The following SPIDR variants were observed in gnomAD, a reference collection of about 807,000 sequenced individuals.
SPIDR encodes DNA repair-scaffolding protein.
A neutral mutation model predicts 104.6 loss-of-function variants in SPIDR; 93 were observed. The ratio of observed to expected loss-of-function variants is 0.89; its 90% CI spans 0.75 to 1.06. The LOEUF (loss-of-function observed/expected upper bound fraction) is 1.06, where lower values mean the gene tolerates loss of function less well. Ranked by LOEUF, SPIDR falls within the 50% of genes least tolerant of loss-of-function variation. The pLI is 0.00. For missense variants in SPIDR, 1,154 were observed against 1,111.2 expected, an observed-to-expected ratio of 1.04 and a Z score of -0.55; for synonymous variants, 431 against 416.9, an observed-to-expected ratio of 1.03 and a Z score of -0.41.
intron 16 of SPIDR, among the ~76,000 whole-genome samples, chr8:47,716,912 T>C (rs2082664487): frequency 6.6e-6 from 1 of 151,938 alleles, no homozygotes; most frequent in East Asian, 1.9e-4. Flanking sequence ...CATGTGGAGA[T>C]TATATGGTCA....
intron 8 of SPIDR, among the ~76,000 whole-genome samples, chr8:47,524,096 G>C (rs747197079): frequency 2.0e-5 from 3 of 152,124 alleles, no homozygotes; most frequent in Non-Finnish European, 4.4e-5. Context: ...GAAATAAAGG[G>C]TGCCAGGTAA....
chr8:47,731,831 T>G lies in SPIDR; in HGVS notation c.2604+2366T>G, dbSNP rs191621124. Among the ~76,000 whole-genome samples the G allele has an allele frequency of 1.2e-4, 18 of 152,232 alleles. No homozygotes were observed. In the East Asian group the frequency reaches 3.3e-3, roughly 28 times the overall value. On this transcript the variant is annotated intron_variant, in intron 19 of 19. Transcript: ENST00000297423. ...ACAGCTGACCAGGTAGAAGTTTGAG[T>G]AGGTGCTAAAGGTGGCAGATCTGAG...
At chr8:47,454,608 C>G (rs1585986948) in intron 8 of SPIDR, among the ~76,000 whole-genome samples, 1 of 152,146 alleles carries the variant, frequency 6.6e-6, no homozygotes, top group East Asian at 1.9e-4. Flanking sequence ...ACATGGTATA[C>G]ATGTACCCTA....
chr8:47,728,589 G>T (rs900573722), intron 17 of SPIDR: 7 of 243,456 alleles, frequency 2.9e-5, no homozygotes, highest in African/African-American at 1.2e-4. Context: ...CACAACAGTG[G>T]CTGTGCTGGC....
intron 10 of SPIDR, among the ~76,000 whole-genome samples, 178 bp downstream of exon 10, chr8:47,599,374 A>G (rs1175363766): frequency 6.6e-6 from 1 of 152,200 alleles, no homozygotes; most frequent in Admixed American, 6.5e-5. Flanking sequence ...GATTTTATCT[A>G]TCTATTTAAT....
intron 8 of SPIDR, among the ~76,000 whole-genome samples, chr8:47,569,824 A>G (rs551091349): frequency 2.0e-5 from 3 of 152,360 alleles, no homozygotes; most frequent in Middle Eastern, 3.4e-3. Flanking sequence ...TAGAAAAATC[A>G]GCTGTATTTC....
intron 10 of SPIDR, among the ~76,000 whole-genome samples, chr8:47,666,576 T>G (rs1331026714): frequency 6.6e-6 from 1 of 152,228 alleles, no homozygotes; most frequent in Non-Finnish European, 1.5e-5. Context: ...ACCTTTCTGA[T>G]CTACAGTCTT....
At chr8:47,412,263 A>C (rs554865259) in intron 7 of SPIDR, among the ~76,000 whole-genome samples, 4 of 152,292 alleles carry the variant, frequency 2.6e-5, no homozygotes, top group African/African-American at 9.6e-5. Context: ...CCATTTTCAC[A>C]ATATTGATTC....
intron 10 of SPIDR, among the ~76,000 whole-genome samples, chr8:47,637,088 G>A (rs1465629348): frequency 6.6e-6 from 1 of 152,150 alleles, no homozygotes; most frequent in Non-Finnish European, 1.5e-5. Context: ...ATTAACTAAA[G>A]TATGTACTTT....
rs1337031766 is a variant in SPIDR at position 47,599,029 on chromosome 8, T to C, written c.1377T>C (p.Thr459=). 6.2e-7 allele frequency: 1 copy of C among 1,613,076 alleles called. No individual in the cohort carries two copies. Among genetic ancestry groups the C allele is most frequent in the Admixed American group, 1.7e-5 (1 of 59,870 alleles). ...CAAAACAGCGCATCCCAACCAGCAC[T>C]CCCCTGAGGGATTCTCTCCTGGATG... ...KEAKQRIPTS[T]PLRDSLLDVV... Residue 459 remains threonine (T), a synonymous_variant, in exon 10 of 20, where the codon ACT becomes ACC. Coordinates refer to ENST00000297423, the MANE Select transcript of SPIDR (RefSeq NM_001080394.4).
intron 7 of SPIDR, among the ~76,000 whole-genome samples, chr8:47,422,585 G>A (rs974202746): frequency 5.3e-5 from 8 of 152,168 alleles, no homozygotes; most frequent in African/African-American, 1.2e-4. Context: ...GCCCTGCTTC[G>A]GCTCACGCTC....
intron 5 of SPIDR, among the ~76,000 whole-genome samples, chr8:47,360,198 C>A (rs368613747): frequency 7.2e-6 from 1 of 138,180 alleles, no homozygotes; most frequent in African/African-American, 2.7e-5. Context: ...GCGGAGATCG[C>A]GCCACTGTGC....
intron 8 of SPIDR, among the ~76,000 whole-genome samples, chr8:47,498,693 G>C (rs774993356): frequency 3.9e-5 from 6 of 152,122 alleles, no homozygotes; most frequent in Non-Finnish European, 7.4e-5. Context: ...ATCAGGTCAA[G>C]ACTTGTACAT....
chr8:47,458,511 C>T (rs754643826), intron 8 of SPIDR, among the ~76,000 whole-genome samples: 7 of 151,630 alleles, frequency 4.6e-5, no homozygotes, highest in Admixed American at 3.3e-4. Context: ...TTGCTGAATT[C>T]GTTTATCCAT....
chr8:47,294,188 T>C, intron 5 of SPIDR, 158 bp downstream of exon 5: 1 of 897,424 alleles, frequency 1.1e-6, no homozygotes, highest in Non-Finnish European at 1.6e-6. Flanking sequence ...TATCTCTAAA[T>C]AACATGCTTG....
Position 47,418,978 on chromosome 8 carries a change from A to G in SPIDR, c.877+11017A>G, listed in dbSNP as rs528361682. ...TCCCATGGATGAAGCCCACTTGATCATGGTAGATAAGCTTTTTGATGTGCT... is the reference window on the plus strand; with the variant it reads ...TCCCATGGATGAAGCCCACTTGATCGTGGTAGATAAGCTTTTTGATGTGCT... On this transcript the variant is annotated intron_variant, in intron 7 of 19. Transcript: ENST00000297423. The G allele has an allele frequency of 2.5e-4, 38 of 152,346 alleles. 1 individual carries two copies. Among genetic ancestry groups the G allele is most frequent in the African/African-American group, 8.9e-4 (37 of 41,578 alleles). 9.4% of individuals were successfully genotyped at this position (152,346 alleles called of 1,614,324 possible). A position where few individuals can be genotyped will look rare whatever the true frequency, so the allele number is the denominator to read the frequency against.
At chr8:47,732,205 T>A (rs1170428092) in intron 19 of SPIDR, 6 of 702,452 alleles carry the variant, frequency 8.5e-6, no homozygotes, top group Non-Finnish European at 1.3e-5. Context: ...TGCTTGTTCC[T>A]CCTACACATT....
intron 5 of SPIDR, among the ~76,000 whole-genome samples, chr8:47,387,500 G>A (rs530017445): frequency 2.8e-4 from 42 of 152,298 alleles, no homozygotes; most frequent in Non-Finnish European, 5.9e-4. Flanking sequence ...GCACATCCTT[G>A]TTAGTTTTAG....
intron 5 of SPIDR, among the ~76,000 whole-genome samples, chr8:47,351,256 A>G (rs971894230): frequency 6.6e-6 from 1 of 152,242 alleles, no homozygotes; most frequent in Non-Finnish European, 1.5e-5. Flanking sequence ...TCTATGGTGA[A>G]TATAGCGTTT....
Sources: allele counts gnomAD v4.1 joint callset (sites outside exome capture counted in the v4.1 genomes callset), GRCh38; gene constraint gnomAD v4.1.1; transcripts MANE v1.5; gene names NCBI Gene and HGNC (gene_info 2026-07-23, HGNC 2026-07-21).